The following ARHGAP27 variants were observed in gnomAD, a reference collection of about 807,000 sequenced individuals.
ARHGAP27 encodes the protein rho GTPase-activating protein 27.
A neutral mutation model predicts 102.0 loss-of-function variants in ARHGAP27; 53 were observed. The observed-to-expected ratio is 0.52, with a 90% CI of 0.42 to 0.65. ARHGAP27 has a LOEUF of 0.65. Among genes scored for constraint, ARHGAP27 ranks in the 30% least tolerant of loss-of-function variants. ARHGAP27 has a pLI of 0.00. For synonymous variants in ARHGAP27, 525 were observed against 542.8 expected (o/e 0.97, Z 0.46); for missense variants, 1,117 against 1,256.2 (o/e 0.89, Z 1.68).
chr17:45,398,362 C>T (rs1007334873), intron 12 of ARHGAP27, among the ~76,000 whole-genome samples: 1 of 152,194 alleles, frequency 6.6e-6, no homozygotes, highest in Non-Finnish European at 1.5e-5. Flanking sequence ...CACTTTCCCT[C>T]CCCCATCCTG....
chr17:45,424,742 C>A (rs971756688), intron 4 of ARHGAP27, among the ~76,000 whole-genome samples: 2 of 151,990 alleles, frequency 1.3e-5, no homozygotes, highest in Non-Finnish European at 2.9e-5. Context: ...GACGGGTGCA[C>A]CAAAATCTCA....
chr17:45,395,802 G>A lies in ARHGAP27; in HGVS notation c.2434C>T (p.Arg812Cys). Residue 812 changes from arginine (R) to cysteine (C), a missense_variant, in exon 19 of 20, where the codon CGC becomes TGC. Arg to Cys is a radical substitution (Grantham distance 180). Transcript: ENST00000685559. ...RRSRCVRDLVRSLPAPNHDTL... is the reference protein window; with the variant it reads ...RRSRCVRDLVCSLPAPNHDTL... ...TCGTGGTTGGGAGCGGGCAGCGAGC[G>A]CACCAAGTCACGCACACAGCGGCTG... 3 of 1,606,114 alleles carry A rather than the reference G, an allele frequency of 1.9e-6. No individual in the cohort carries two copies. The highest frequency in any genetic ancestry group is 8.5e-7 in the Non-Finnish European group (1 of 1,177,678).
chr17:45,429,407 A>C, intron 4 of ARHGAP27: 1 of 1,375,592 alleles, frequency 7.3e-7, no homozygotes, highest in Non-Finnish European at 9.4e-7. Flanking sequence ...CTGGGCTTCC[A>C]GGGAGCTTTG....
At chr17:45,401,664 T>G (rs1045304191) in intron 12 of ARHGAP27, 16 of 152,240 alleles carry the variant, frequency 1.1e-4, no homozygotes, top group African/African-American at 3.6e-4. Flanking sequence ...CCCATGTTCA[T>G]GGAGCTACAT....
chr17:45,419,510 A>ATG lies in ARHGAP27; in HGVS notation c.657+10111_657+10112dup, dbSNP rs1232870465. ...TATATATATAAAAGACTTATGCTGT[A>ATG]TGTATATATATATATATATATATAT... On this transcript the variant is annotated intron_variant, in intron 4 of 19. Coordinates refer to ENST00000685559, the MANE Select transcript of ARHGAP27 (RefSeq NM_001282290.2). 3.3e-3 allele frequency among the ~76,000 whole-genome samples: 251 copies of ATG among 76,684 alleles called. 4 individuals carry two copies. Among genetic ancestry groups the ATG allele is most frequent in the African/African-American group, 0.017 (235 of 14,120 alleles). 50.3% of individuals were successfully genotyped at this position (76,684 alleles called of 152,430 possible). A position where few individuals can be genotyped will look rare whatever the true frequency, so the allele number is the denominator to read the frequency against.
Position 45,396,924 on chromosome 17 carries a change from G to C in ARHGAP27, c.1943C>G (p.Pro648Arg), listed in dbSNP as rs778597676. Residue 648 changes from proline (P) to arginine (R), a missense_variant, in exon 14 of 20, where the codon CCG becomes CGG. This residue lies in a region of ARHGAP27 where 493 missense variants were observed against 505.5 expected (regional missense o/e 0.98). Transcript: ENST00000685559. Reference protein sequence around the residue: ...SWQEKEEDARPNAAAPALGPV... With the variant: ...SWQEKEEDARRNAAAPALGPV... ...TCCTGCCTTGCGCACACCTGCATTC[G>C]GTCGCGCGTCCTCCTCTTTCTCCTG... is the stretch of plus-strand genomic sequence containing the variant. The C allele has an allele frequency of 6.2e-7, 1 of 1,606,394 alleles. No homozygotes were observed. The highest frequency in any genetic ancestry group is 1.1e-5 in the South Asian group (1 of 91,088).
chr17:45,414,566 T>C (rs2048250437), intron 4 of ARHGAP27, among the ~76,000 whole-genome samples: 1 of 150,676 alleles, frequency 6.6e-6, no homozygotes, highest in Non-Finnish European at 1.5e-5. Flanking sequence ...GCCTCCCAGG[T>C]AGCTGGCTAG....
intron 12 of ARHGAP27, 69 bp downstream of exon 12, chr17:45,402,645 A>G: frequency 1.4e-6 from 2 of 1,403,038 alleles, no homozygotes; most frequent in Non-Finnish European, 1.0e-6. Flanking sequence ...TTTCCAGGTC[A>G]ATAGTTGTCA....
At position 45,405,011 on chromosome 17, in the gene ARHGAP27, G is replaced by C. The variant is rs147031282; in HGVS notation, c.1161C>G (p.Thr387=). The part of the protein sequence containing the change: ...PVGSFGEPGP[T]SPLTTPPGWS... Reference sequence around the variant, plus strand: ...AGCCGGGGGGTGTGGTCAAGGGAGAGGTAGGGCCGGGCTCACCGAAAGAGC... The same window carrying C: ...AGCCGGGGGGTGTGGTCAAGGGAGACGTAGGGCCGGGCTCACCGAAAGAGC... Residue 387 remains threonine, a synonymous_variant, in exon 6 of 20, where the codon ACC becomes ACG. Coordinates refer to ENST00000685559, the MANE Select transcript of ARHGAP27 (RefSeq NM_001282290.2). The C allele has an allele frequency of 6.2e-7, 1 of 1,614,060 alleles. No individual in the cohort carries two copies. The highest frequency in any genetic ancestry group is 8.5e-7 in the Non-Finnish European group (1 of 1,179,972).
At chr17:45,400,135 C>T (rs1025533105) in intron 12 of ARHGAP27, among the ~76,000 whole-genome samples, 1 of 152,202 alleles carries the variant, frequency 6.6e-6, no homozygotes, top group Admixed American at 6.5e-5. Flanking sequence ...TGCACTCCAG[C>T]CTGGGCAACA....
intron 10 of ARHGAP27, 91 bp downstream of exon 10, chr17:45,403,938 G>A: frequency 7.1e-7 from 1 of 1,416,046 alleles, no homozygotes; most frequent in South Asian, 1.2e-5. Flanking sequence ...TTGTTGTGAG[G>A]ATTAATAAGA....
Position 45,429,698 on chromosome 17 carries a change from C to A in ARHGAP27, c.582G>T (p.Ala194=), listed in dbSNP as rs2049912915. 7 of 1,557,508 alleles carry A rather than the reference C, an allele frequency of 4.5e-6. No individual in the cohort carries two copies. Among genetic ancestry groups the A allele is most frequent in the Middle Eastern group, 1.7e-4 (1 of 5,996 alleles). The change falls in exon 4 of 20, where the codon GCG becomes GCT. Residue 194 remains alanine, a synonymous_variant. Transcript: ENST00000685559. ...AGSWVCPRPL[A]RSDSENVYEV... ...CGTAGACGTTCTCTGAGTCGCTGCG[C>A]GCCAGAGGCCGCGGGCACACCCAGG...
intron 4 of ARHGAP27, chr17:45,410,336 G>C: frequency 6.8e-7 from 1 of 1,460,830 alleles, no homozygotes; most frequent in Non-Finnish European, 9.0e-7. Context: ...AGGTTTTGGG[G>C]GTAGAGCCCA....
chr17:45,429,803 G>A lies in ARHGAP27; in HGVS notation c.477C>T (p.Asp159=), dbSNP rs553306371. The A allele has an allele frequency of 2.0e-4, 304 of 1,513,002 alleles. 2 individuals carry two copies. The African/African-American group carries it at 3.9e-3, about 19-fold the overall frequency. 93.7% of individuals were successfully genotyped at this position (1,513,002 alleles called of 1,614,324 possible). ...GAGGCGAGACGGCGGCGCAGGCCAG[G>A]TCGTTCAGGGACTGCGCGGGCCGCA... ...APVRPAQSLN[D]LACAAVSPPA... Residue 159 remains aspartate (D), a synonymous_variant, in exon 4 of 20, where the codon GAC becomes GAT. Coordinates refer to ENST00000685559, the MANE Select transcript of ARHGAP27 (RefSeq NM_001282290.2).
chr17:45,401,454 T>C (rs967803063), intron 12 of ARHGAP27: 9 of 152,274 alleles, frequency 5.9e-5, no homozygotes, highest in African/African-American at 2.2e-4. Context: ...ATAGATATCC[T>C]GGCTCTAGAA....
chr17:45,395,995 T>A lies in ARHGAP27; in HGVS notation c.2374A>T (p.Ile792Phe). 4 of 1,611,622 alleles carry A rather than the reference T, an allele frequency of 2.5e-6. No individual in the cohort carries two copies. Among genetic ancestry groups the A allele is most frequent in the Non-Finnish European group, 3.4e-6 (4 of 1,178,574 alleles). Residue 792 changes from isoleucine (I) to phenylalanine (F), a missense_variant, in exon 18 of 20, where the codon ATT becomes TTT. Coordinates refer to ENST00000685559, the MANE Select transcript of ARHGAP27 (RefSeq NM_001282290.2). ...LFPFSHFRQFIAAIKLQDQAR... is the reference protein window; with the variant it reads ...LFPFSHFRQFFAAIKLQDQAR... Reference sequence around the variant, plus strand: ...CCCAGGTGCTCACTGATGGCCGCAATGAACTGGCGGAAGTGCGAGAAGGGG... The same window carrying A: ...CCCAGGTGCTCACTGATGGCCGCAAAGAACTGGCGGAAGTGCGAGAAGGGG...
At chr17:45,411,493 T>G (rs761337239) in intron 4 of ARHGAP27, among the ~76,000 whole-genome samples, 3 of 151,934 alleles carry the variant, frequency 2.0e-5, no homozygotes, top group Non-Finnish European at 4.4e-5. Flanking sequence ...CTGTACCCAC[T>G]GTGGGCTGGG....
At position 45,394,992 on chromosome 17, in the gene ARHGAP27, A is replaced by C; in HGVS notation, c.*464T>G. 4 of 164,862 alleles carry C rather than the reference A, an allele frequency of 2.4e-5. No homozygotes were observed. Among genetic ancestry groups the C allele is most frequent in the African/African-American group, 4.8e-5 (2 of 41,740 alleles). The allele number at this position is 164,862 out of a possible 1,614,324, so 10.2% of individuals were successfully genotyped here. A position where few individuals can be genotyped will look rare whatever the true frequency, so the allele number is the denominator to read the frequency against. The stretch of plus-strand genomic sequence containing the variant: ...GTCAGTCCTGTTTCCACAGTGGGGA[A>C]GTGATCAGAGCTGCCTCATGACTGG... On this transcript the variant is annotated 3_prime_UTR_variant, in exon 20 of 20. Coordinates refer to ENST00000685559, the MANE Select transcript of ARHGAP27 (RefSeq NM_001282290.2).
intron 12 of ARHGAP27, among the ~76,000 whole-genome samples, chr17:45,402,471 G>A (rs2046556851): frequency 6.6e-6 from 1 of 152,166 alleles, no homozygotes; most frequent in Non-Finnish European, 1.5e-5. Context: ...ATTCTTCCCA[G>A]GTCCTCCTTC....
Sources: gnomAD v4.1 joint callset for allele counts (sites outside exome capture counted in the v4.1 genomes callset) on GRCh38, gnomAD v4.1.1 for gene constraint, gnomAD v4.1.1 regional missense constraint, MANE v1.5 for transcripts, NCBI Gene and HGNC (gene_info 2026-07-23, HGNC 2026-07-21) for gene names.